The following NCAPG2 variants were observed in gnomAD, a reference collection of about 807,000 sequenced individuals.
NCAPG2 encodes the protein condensin-2 complex subunit G2.
A neutral mutation model predicts 141.1 loss-of-function variants in NCAPG2; 53 were observed. The observed-to-expected ratio is 0.38, with a 90% CI of 0.30 to 0.47. The LOEUF is 0.47. Among genes scored for constraint, NCAPG2 ranks in the 20% least tolerant of loss-of-function variants. The probability of loss-of-function intolerance (pLI) is 0.99; values close to 1 mark genes in which losing one functional copy is unlikely to be tolerated. For synonymous variants in NCAPG2, 499 were observed against 490.7 expected (o/e 1.02, Z -0.22); for missense variants, 1,087 against 1,389.0 (o/e 0.78, Z 3.46).
At chr7:158,643,951 G>C (rs1830819359) in intron 27 of NCAPG2, among the ~76,000 whole-genome samples, 1 of 152,226 alleles carries the variant, frequency 6.6e-6, no homozygotes, top group Non-Finnish European at 1.5e-5. Context: ...TTGTCCGCTA[G>C]GTGTCTATCC....
At chr7:158,645,433 T>C (rs1019234385) in intron 26 of NCAPG2, 86 bp downstream of exon 26, 13 of 1,200,630 alleles carry the variant, frequency 1.1e-5, no homozygotes, top group Non-Finnish European at 1.6e-5. Context: ...AGTAGCCAAG[T>C]GCAGGGGCTG....
At position 158,689,812 on chromosome 7, in the gene NCAPG2, T is replaced by A; in HGVS notation, c.672+7A>T. 6.4e-7 allele frequency: 1 copy of A among 1,569,088 alleles called. No individual in the cohort carries two copies. Among genetic ancestry groups the A allele is most frequent in the East Asian group, 2.3e-5 (1 of 44,278 alleles). On this transcript the variant is annotated splice_region_variant and intron_variant, in intron 6 of 27. Transcript: ENST00000356309. ...ACAAACAGATCAAAAAACAAATACC[T>A]ATTTACCTCTTCTTTCTTGATATAA...
chr7:158,691,106 C>A (rs1835092852), intron 4 of NCAPG2, among the ~76,000 whole-genome samples: 1 of 152,204 alleles, frequency 6.6e-6, no homozygotes, highest in Admixed American at 6.5e-5. Flanking sequence ...AATCAATAAT[C>A]CACTACTATC....
intron 8 of NCAPG2, among the ~76,000 whole-genome samples, chr7:158,684,393 T>G (rs528143522): frequency 2.0e-5 from 3 of 152,234 alleles, no homozygotes; most frequent in Admixed American, 2.0e-4. Flanking sequence ...TTTAATGGTA[T>G]AACAAGCAAA....
chr7:158,644,167 A>G, intron 27 of NCAPG2, 122 bp downstream of exon 27: 1 of 717,408 alleles, frequency 1.4e-6, no homozygotes, highest in East Asian at 2.5e-5. Flanking sequence ...TTCTCTCCTT[A>G]GAGTCCCCAG....
At chr7:158,692,777 A>G (rs1835210003) in intron 4 of NCAPG2, 65 bp downstream of exon 4, 7 of 998,500 alleles carry the variant, frequency 7.0e-6, no homozygotes, top group Middle Eastern at 4.3e-4. Context: ...AAATAAAAAC[A>G]GAAACAAAAA....
intron 13 of NCAPG2, 79 bp from the exon 14 acceptor site, chr7:158,664,829 G>A: frequency 4.0e-6 from 5 of 1,244,522 alleles, no homozygotes; most frequent in Non-Finnish European, 5.5e-6. Flanking sequence ...AAAATTTCAA[G>A]CACAACCAAA....
intron 22 of NCAPG2, 50 bp downstream of exon 22, chr7:158,654,545 G>T: frequency 6.4e-7 from 1 of 1,551,890 alleles, no homozygotes; most frequent in South Asian, 1.2e-5. Flanking sequence ...AGGGAGGGAG[G>T]GAAGGACTGG....
At chr7:158,694,252 T>C (rs1259715595) in intron 2 of NCAPG2, among the ~76,000 whole-genome samples, 7 of 152,150 alleles carry the variant, frequency 4.6e-5, no homozygotes, top group Non-Finnish European at 8.8e-5. Flanking sequence ...TGATAATAAA[T>C]ATCAAATCAT....
chr7:158,676,552 T>A (rs1834063752), intron 11 of NCAPG2, among the ~76,000 whole-genome samples: 1 of 152,170 alleles, frequency 6.6e-6, no homozygotes, highest in South Asian at 2.1e-4. Flanking sequence ...AAAAAAATTA[T>A]CTTTTATCAA....
chr7:158,660,397 C>CTTTTTTTTTT (rs1563525366), intron 16 of NCAPG2, among the ~76,000 whole-genome samples: 1 of 111,272 alleles, frequency 9.0e-6, no homozygotes, highest in African/African-American at 4.2e-5. Context: ...ATTATTTCAG[C>CTTTTTTTTTT]TTTCTTTTTT....
intron 8 of NCAPG2, among the ~76,000 whole-genome samples, chr7:158,685,840 C>T (rs925457856): frequency 6.6e-6 from 1 of 152,186 alleles, no homozygotes; most frequent in African/African-American, 2.4e-5. Context: ...ATTTTATATT[C>T]TCATTTCCAT....
At chr7:158,680,207 C>G in intron 10 of NCAPG2, 122 bp from the exon 11 acceptor site, 1 of 1,149,610 alleles carries the variant, frequency 8.7e-7, no homozygotes, top group Non-Finnish European at 1.2e-6. Flanking sequence ...AAATTACAGA[C>G]AATTATAACG....
At chr7:158,644,868 C>A (rs926807906) in intron 26 of NCAPG2, among the ~76,000 whole-genome samples, 1 of 152,142 alleles carries the variant, frequency 6.6e-6, no homozygotes, top group Non-Finnish European at 1.5e-5. Context: ...ATATCCTATC[C>A]ATTTAGGCTT....
chr7:158,687,391 T>G lies in NCAPG2; in HGVS notation c.724A>C (p.Met242Leu). The change falls in exon 7 of 28, where the codon ATG (methionine) becomes CTG (leucine). Residue 242 changes from methionine (M) to leucine (L), a missense_variant. By Grantham distance (15) the Met-to-Leu change is conservative (BLOSUM62 2). Transcript: ENST00000356309. ...TGGTTTTTAATGGTCCCGTGGATCA[T>G]TTTGATGAAGTTGATATTCCAGTTG... ...LFNWNINFIK[M>L]IHGTIKNQLQ... 6.2e-7 allele frequency: 1 copy of G among 1,611,762 alleles called. No homozygotes were observed. The highest frequency in any genetic ancestry group is 1.1e-5 in the South Asian group (1 of 90,496).
Position 158,690,620 on chromosome 7 carries a change from G to T in NCAPG2, c.485C>A (p.Thr162Lys). 1 of 1,614,134 alleles carries T rather than the reference G, an allele frequency of 6.2e-7. No individual in the cohort carries two copies. The highest frequency in any genetic ancestry group is 1.1e-5 in the South Asian group (1 of 91,086). Reference protein sequence around the residue: ...WEKGLPAKEDTGKTAFVMLLR... With the variant: ...WEKGLPAKEDKGKTAFVMLLR... The stretch of plus-strand genomic sequence containing the variant: ...TAACATGACAAAGGCTGTCTTTCCT[G>T]TGTCTTCCTTGGCAGGCAGGCCTTT... Residue 162 changes from threonine to lysine, a missense_variant, in exon 5 of 28, where the codon ACA (threonine) becomes AAA (lysine). Physicochemically the swap from Thr to Lys is moderately conservative, Grantham distance 78. Coordinates refer to ENST00000356309, the MANE Select transcript of NCAPG2 (RefSeq NM_017760.7).
intron 3 of NCAPG2, 126 bp downstream of exon 3, chr7:158,693,183 C>G: frequency 9.3e-7 from 1 of 1,071,486 alleles, no homozygotes; most frequent in Non-Finnish European, 1.3e-6. Flanking sequence ...ACAGACTAAA[C>G]TTCTAAAATT....
intron 24 of NCAPG2, among the ~76,000 whole-genome samples, chr7:158,649,856 A>G (rs759913425): frequency 2.4e-4 from 36 of 152,230 alleles, no homozygotes; most frequent in Admixed American, 5.2e-4. Flanking sequence ...AAAGAGGAAA[A>G]CAACACCCTG....
At chr7:158,646,793 T>G (rs917739246) in intron 24 of NCAPG2, among the ~76,000 whole-genome samples, 1 of 152,206 alleles carries the variant, frequency 6.6e-6, no homozygotes, top group Non-Finnish European at 1.5e-5. Flanking sequence ...TCTGGGAGGC[T>G]GAGGCAAGAG....
Sources: gnomAD v4.1 joint callset for allele counts (sites outside exome capture counted in the v4.1 genomes callset) on GRCh38, gnomAD v4.1.1 for gene constraint, MANE v1.5 for transcripts, NCBI Gene and HGNC (gene_info 2026-07-23, HGNC 2026-07-21) for gene names.